The following NEK6 variants were observed in gnomAD, a reference collection of about 807,000 sequenced individuals.
NEK6 encodes the protein NIMA related kinase 6, also known as serine/threonine-protein kinase Nek6.
Under a neutral mutation model 43.5 loss-of-function variants are expected in NEK6, and 27 were observed. That is an observed-to-expected ratio of 0.62 (90% confidence interval 0.46 to 0.86). NEK6 has a LOEUF of 0.86. Ranked by LOEUF, NEK6 falls within the 40% of genes least tolerant of loss-of-function variation. The probability of loss-of-function intolerance (pLI) is 0.00; values close to 1 mark genes in which losing one functional copy is unlikely to be tolerated. For synonymous variants in NEK6, 167 were observed against 164.1 expected, an observed-to-expected ratio of 1.02 and a Z score of -0.14; for missense variants, 318 against 414.4, an observed-to-expected ratio of 0.77 and a Z score of 2.02.
chr9:124,291,910 T>A, intron 1 of NEK6: 2 of 985,622 alleles, frequency 2.0e-6, no homozygotes, highest in Non-Finnish European at 2.4e-6. Flanking sequence ...TTTGGCGGTG[T>A]CTGGGGACCG....
chr9:124,336,187 A>T (rs1334837239), intron 7 of NEK6, among the ~76,000 whole-genome samples: 1 of 152,046 alleles, frequency 6.6e-6, no homozygotes, highest in African/African-American at 2.4e-5. Context: ...GCAGTGAGCC[A>T]AGATCGCGCC....
In NEK6 at chr9:124,314,259, C is replaced by T. The variant is rs1020613780; in HGVS notation, c.294+274C>T. On this transcript the variant is annotated intron_variant, in intron 4 of 9. Transcript: ENST00000320246. The stretch of plus-strand genomic sequence containing the variant: ...CCTCCTGCTTGTACATGGCAGTACC[C>T]GGCATAGAAGTCCTTCCCCACAGGG... Among the ~76,000 whole-genome samples, 7 of 152,068 alleles carry T rather than the reference C, an allele frequency of 4.6e-5. 1 individual carries two copies. The highest frequency in any genetic ancestry group is 4.1e-4 in the South Asian group (2 of 4,820).
At position 124,347,788 on chromosome 9, in the gene NEK6, A is replaced by G. The variant is rs750118016; in HGVS notation, c.797A>G (p.Tyr266Cys). 3 of 1,610,724 alleles carry G rather than the reference A, an allele frequency of 1.9e-6. No homozygotes were observed. Among genetic ancestry groups the G allele is most frequent in the Non-Finnish European group, 2.5e-6 (3 of 1,178,524 alleles). The change falls in exon 9 of 10, where the codon TAC becomes TGC. Residue 266 changes from tyrosine (Y) to cysteine (C), a missense_variant. Physicochemically the swap from Tyr to Cys is radical, Grantham distance 194. Transcript: ENST00000320246. ...SLCQKIEQCDYPPLPGEHYSE... is the reference protein window; with the variant it reads ...SLCQKIEQCDCPPLPGEHYSE... ...TGCCAGAAGATCGAGCAGTGTGACT[A>G]CCCCCCACTCCCCGGGGAGCACTAC... is the stretch of plus-strand genomic sequence containing the variant.
intron 1 of NEK6, among the ~76,000 whole-genome samples, chr9:124,277,389 T>C (rs539299091): frequency 2.6e-4 from 40 of 152,244 alleles, no homozygotes; most frequent in Non-Finnish European, 4.7e-4. Flanking sequence ...GAGGTTGCAG[T>C]GAGCCGAGCT....
chr9:124,334,744 C>T (rs762044823), intron 7 of NEK6, among the ~76,000 whole-genome samples: 10 of 152,200 alleles, frequency 6.6e-5, no homozygotes, highest in Admixed American at 2.0e-4. Context: ...AGTGGAAAAG[C>T]GGGCTGGGGC....
At chr9:124,349,939 G>A (rs980149665) in intron 9 of NEK6, among the ~76,000 whole-genome samples, 1 of 152,228 alleles carries the variant, frequency 6.6e-6, no homozygotes, top group Non-Finnish European at 1.5e-5. Context: ...CATCAGCTGA[G>A]AGGAGCCCTA....
chr9:124,332,618 G>T (rs1341254089), intron 7 of NEK6, among the ~76,000 whole-genome samples: 3 of 152,232 alleles, frequency 2.0e-5, no homozygotes, highest in Non-Finnish European at 2.9e-5. Context: ...ACCATCTGGG[G>T]AAGAGGGGCA....
intron 1 of NEK6, among the ~76,000 whole-genome samples, chr9:124,297,617 T>C (rs1826841612): frequency 6.6e-6 from 1 of 152,226 alleles, no homozygotes; most frequent in African/African-American, 2.4e-5. Flanking sequence ...GGCCCTTGCT[T>C]GAGGCAGAAG....
At chr9:124,307,165 T>C (rs1412580991) in intron 2 of NEK6, among the ~76,000 whole-genome samples, 1 of 151,862 alleles carries the variant, frequency 6.6e-6, no homozygotes, top group Non-Finnish European at 1.5e-5. Context: ...CTGAGGCTGA[T>C]TGTGGTTCAA....
At chr9:124,282,051 T>C (rs1467741545) in intron 1 of NEK6, among the ~76,000 whole-genome samples, 3 of 152,190 alleles carry the variant, frequency 2.0e-5, no homozygotes, top group Non-Finnish European at 2.9e-5. Flanking sequence ...TGGTGTGCGG[T>C]GGGGCGTATT....
intron 2 of NEK6, among the ~76,000 whole-genome samples, chr9:124,305,780 C>T (rs1201750727): frequency 6.6e-6 from 1 of 152,118 alleles, no homozygotes; most frequent in Non-Finnish European, 1.5e-5. Context: ...GCCAGTTCTG[C>T]TAGATAGATG....
chr9:124,342,286 C>G (rs1381055163), intron 8 of NEK6, among the ~76,000 whole-genome samples: 1 of 152,216 alleles, frequency 6.6e-6, no homozygotes, highest in African/African-American at 2.4e-5. Flanking sequence ...CTCCCAAGGC[C>G]CAGGCTAATG....
At chr9:124,328,733 C>T (rs564130437) in intron 7 of NEK6, among the ~76,000 whole-genome samples, 15 of 152,214 alleles carry the variant, frequency 9.9e-5, no homozygotes. Context: ...AGACTCTCAG[C>T]GCGTCACACA....
chr9:124,280,199 G>A (rs1242579869), intron 1 of NEK6, among the ~76,000 whole-genome samples: 1 of 152,252 alleles, frequency 6.6e-6, no homozygotes, highest in South Asian at 2.1e-4. Context: ...TTGTGGCTTT[G>A]GATCAGCTCA....
At chr9:124,301,909 T>C (rs761527132) in intron 1 of NEK6, 27 bp from the exon 2 acceptor site, 176 of 1,533,112 alleles carry the variant, frequency 1.1e-4, no homozygotes, top group Non-Finnish European at 1.4e-4. Context: ...AAAGAGAAAG[T>C]GAACAGGCCG....
intron 9 of NEK6, among the ~76,000 whole-genome samples, chr9:124,348,460 G>C (rs371433582): frequency 2.5e-4 from 38 of 152,300 alleles, no homozygotes; most frequent in African/African-American, 9.1e-4. Flanking sequence ...TAATGGTGAG[G>C]AAGAAAGGAC....
At chr9:124,323,443 T>C (rs2130927296) in intron 5 of NEK6, among the ~76,000 whole-genome samples, 1 of 152,156 alleles carries the variant, frequency 6.6e-6, no homozygotes, top group East Asian at 1.9e-4. Flanking sequence ...CGTGGTCAGC[T>C]CTGTGTTCTA....
At chr9:124,270,340 G>A (rs1321002639) in intron 1 of NEK6, among the ~76,000 whole-genome samples, 4 of 152,198 alleles carry the variant, frequency 2.6e-5, no homozygotes, top group African/African-American at 7.2e-5. Context: ...GAAGCCTCTT[G>A]GGAAGGGATG....
At chr9:124,283,775 C>T (rs1832030069) in intron 1 of NEK6, among the ~76,000 whole-genome samples, 1 of 152,258 alleles carries the variant, frequency 6.6e-6, no homozygotes, top group South Asian at 2.1e-4. Context: ...GCCCCTATTC[C>T]TCCACTCAGA....
Sources: allele counts gnomAD v4.1 joint callset (sites outside exome capture counted in the v4.1 genomes callset), GRCh38; gene constraint gnomAD v4.1.1; transcripts MANE v1.5; gene names NCBI Gene and HGNC (gene_info 2026-07-23, HGNC 2026-07-21).